ULK4: variants seen among roughly 807,000 people sequenced by gnomAD.
ULK4 encodes the protein inactive serine/threonine-protein kinase ULK4.
Under a neutral mutation model 160.6 loss-of-function variants are expected in ULK4, and 133 were observed. The ratio of observed to expected loss-of-function variants is 0.83; its 90% CI spans 0.72 to 0.96. The LOEUF (loss-of-function observed/expected upper bound fraction) is 0.96, where lower values mean the gene tolerates loss of function less well. Among genes scored for constraint, ULK4 ranks in the 40% least tolerant of loss-of-function variants. The pLI, the probability that ULK4 is intolerant of heterozygous loss-of-function variation, is 0.00. For missense variants in ULK4, 1,580 were observed against 1,499.5 expected (o/e 1.05, Z -0.89); for synonymous variants, 534 against 539.8 (o/e 0.99, Z 0.15).
chr3:41,897,066 C>G, intron 14 of ULK4, 63 bp from the exon 15 acceptor site: 1 of 1,422,056 alleles, frequency 7.0e-7, no homozygotes, highest in Non-Finnish European at 9.6e-7. Flanking sequence ...GGAAACATTA[C>G]ATAAGAAATA....
At chr3:41,655,929 T>C (rs1262190638) in intron 30 of ULK4, among the ~76,000 whole-genome samples, 2 of 152,222 alleles carry the variant, frequency 1.3e-5, no homozygotes, top group African/African-American at 2.4e-5. Flanking sequence ...TATTAAGGCA[T>C]ATAATAAATT....
chr3:41,600,894 C>T (rs981080958), intron 31 of ULK4, among the ~76,000 whole-genome samples: 9 of 152,206 alleles, frequency 5.9e-5, no homozygotes, highest in African/African-American at 2.2e-4. Flanking sequence ...CCCTAGCACA[C>T]TCCCAAGGAA....
chr3:41,912,339 A>C (rs981792472), intron 9 of ULK4, among the ~76,000 whole-genome samples: 2 of 151,932 alleles, frequency 1.3e-5, no homozygotes, highest in Non-Finnish European at 2.9e-5. Context: ...AAAAAAAAAA[A>C]AAAAAAAAAA....
chr3:41,365,686 G>A (rs2081241426), intron 35 of ULK4, among the ~76,000 whole-genome samples: 1 of 152,082 alleles, frequency 6.6e-6, no homozygotes, highest in Non-Finnish European at 1.5e-5. Context: ...CCAAATAAAA[G>A]TGAGACTGGA....
intron 35 of ULK4, among the ~76,000 whole-genome samples, chr3:41,349,564 A>C (rs2080869630): frequency 6.6e-6 from 1 of 152,212 alleles, no homozygotes. Context: ...AGGGGCCTTT[A>C]GGAGTAGCAG....
At chr3:41,788,534 CA>C in intron 21 of ULK4, among the ~76,000 whole-genome samples, 1 of 151,688 alleles carries the variant, frequency 6.6e-6, no homozygotes, top group East Asian at 1.9e-4. Flanking sequence ...AATACAAAAA[CA>C]AAAAATTAGC....
intron 34 of ULK4, among the ~76,000 whole-genome samples, chr3:41,402,866 G>T (rs1482292503): frequency 6.6e-6 from 1 of 152,082 alleles, no homozygotes; most frequent in East Asian, 1.9e-4. Context: ...AATGAGTTGG[G>T]AAATGTCCCC....
chr3:41,761,371 T>C (rs2038979650), intron 21 of ULK4, among the ~76,000 whole-genome samples: 1 of 148,646 alleles, frequency 6.7e-6, no homozygotes, highest in African/African-American at 2.5e-5. Flanking sequence ...TATATGTATA[T>C]ACATATATTA....
chr3:41,887,015 C>T (rs1697745779), intron 16 of ULK4, among the ~76,000 whole-genome samples: 1 of 152,138 alleles, frequency 6.6e-6, no homozygotes, highest in Admixed American at 6.5e-5. Context: ...TTCAAGCATC[C>T]TAAATAAAAC....
intron 34 of ULK4, among the ~76,000 whole-genome samples, chr3:41,448,244 G>C (rs2083348432): frequency 6.6e-6 from 1 of 152,102 alleles, no homozygotes; most frequent in Non-Finnish European, 1.5e-5. Flanking sequence ...GGGATGCTAT[G>C]GGAGCCGGGG....
chr3:41,804,132 T>A (rs918900202), intron 19 of ULK4, among the ~76,000 whole-genome samples: 4 of 151,612 alleles, frequency 2.6e-5, no homozygotes, highest in East Asian at 1.9e-4. Context: ...TTTCTCCACA[T>A]CCTCTCCAGC....
chr3:41,274,404 T>G (rs1364495613), intron 35 of ULK4, among the ~76,000 whole-genome samples: 1 of 152,198 alleles, frequency 6.6e-6, no homozygotes, highest in African/African-American at 2.4e-5. Context: ...AATTGTTCCC[T>G]AAAAATTCTG....
At chr3:41,743,399 T>C (rs2038306657) in intron 22 of ULK4, among the ~76,000 whole-genome samples, 2 of 151,572 alleles carry the variant, frequency 1.3e-5, no homozygotes, top group South Asian at 4.1e-4. Flanking sequence ...AGGAATAAGA[T>C]TTCTCAAAGA....
At chr3:41,910,878 A>C (rs1457412367) in intron 11 of ULK4, among the ~76,000 whole-genome samples, 4 of 151,792 alleles carry the variant, frequency 2.6e-5, no homozygotes. Context: ...TGGCAAGATC[A>C]CTTGAATCCA....
At chr3:41,838,211 G>C (rs1018536259) in intron 17 of ULK4, among the ~76,000 whole-genome samples, 1 of 152,184 alleles carries the variant, frequency 6.6e-6, no homozygotes, top group Non-Finnish European at 1.5e-5. Context: ...CAAGAACACA[G>C]TAGGCCAAAA....
chr3:41,954,137 A>G (rs1040565326), intron 2 of ULK4, among the ~76,000 whole-genome samples: 53 of 148,940 alleles, frequency 3.6e-4, no homozygotes, highest in Admixed American at 3.4e-3. Flanking sequence ...AGACCGTGCC[A>G]CTGCACTCTA....
At chr3:41,797,302 C>A (rs995001176) in intron 20 of ULK4, among the ~76,000 whole-genome samples, 1 of 152,068 alleles carries the variant, frequency 6.6e-6, no homozygotes, top group Non-Finnish European at 1.5e-5. Context: ...ATTATCTGAT[C>A]CTTTATAGAA....
At chr3:41,285,145 G>A (rs544512635) in intron 35 of ULK4, among the ~76,000 whole-genome samples, 1 of 152,298 alleles carries the variant, frequency 6.6e-6, no homozygotes, top group African/African-American at 2.4e-5. Flanking sequence ...TGGTGGGAAT[G>A]TAAACTAGCA....
At chr3:41,331,972 CCTGA>C (rs1174476427) in intron 35 of ULK4, among the ~76,000 whole-genome samples, 3 of 152,098 alleles carry the variant, frequency 2.0e-5, no homozygotes, top group South Asian at 2.1e-4. Context: ...TTTCTTTTCA[CCTGA>C]CTATCTTCCA....
Sources: gnomAD v4.1 joint callset for allele counts (sites outside exome capture counted in the v4.1 genomes callset) on GRCh38, gnomAD v4.1.1 for gene constraint, MANE v1.5 for transcripts, NCBI Gene and HGNC (gene_info 2026-07-23, HGNC 2026-07-21) for gene names.